Variants in DROSHA observed in about 807,000 individuals in gnomAD.
The protein encoded by DROSHA is drosha ribonuclease III.
A neutral mutation model predicts 181.9 loss-of-function variants in DROSHA; 56 were observed. The observed-to-expected ratio is 0.31, with a 90% CI of 0.25 to 0.38. The LOEUF (loss-of-function observed/expected upper bound fraction) is 0.38, where lower values mean the gene tolerates loss of function less well. Among genes scored for constraint, DROSHA ranks in the 10% least tolerant of loss-of-function variants. The pLI, the probability that DROSHA is intolerant of heterozygous loss-of-function variation, is 1.00. For missense variants in DROSHA, 1,218 were observed against 1,743.5 expected, an observed-to-expected ratio of 0.70 and a Z score of 5.37; for synonymous variants, 524 against 591.2, an observed-to-expected ratio of 0.89 and a Z score of 1.65.
intron 14 of DROSHA, among the ~76,000 whole-genome samples, chr5:31,485,400 G>A (rs1375676475): frequency 8.2e-6 from 1 of 122,012 alleles, no homozygotes; most frequent in East Asian, 2.6e-4. Flanking sequence ...TACCCAAAAA[G>A]TTCAAAAAGT....
At chr5:31,484,429 AAGTAAGCT>A (rs1751488207) in intron 15 of DROSHA, among the ~76,000 whole-genome samples, 1 of 151,746 alleles carries the variant, frequency 6.6e-6, no homozygotes, top group Admixed American at 6.6e-5. Context: ...ACTTCCAAAA[AAGTAAGCT>A]ACTATCCAAG....
Position 31,483,646 on chromosome 5 carries a change from G to GAAAAAAAAAAAAAAAAAAAACAAAAAA in DROSHA, c.1997-19_1997-18insTTTTTTGTTTTTTTTTTTTTTTTTTTT. On this transcript the variant is annotated intron_variant, in intron 15 of 35. Coordinates refer to ENST00000344624, the MANE Select transcript of DROSHA (RefSeq NM_001382508.1). ...CAAAGGACCTGAAGCAAACAAATGA[G>GAAAAAAAAAAAAAAAAAAAACAAAAAA]AAAAAAAAAAAAAAAAGAAAACTCA... 1 of 1,236,474 alleles carries GAAAAAAAAAAAAAAAAAAAACAAAAAA rather than the reference G, an allele frequency of 8.1e-7. No individual in the cohort carries two copies. The highest frequency in any genetic ancestry group is 2.6e-5 in the East Asian group (1 of 38,568). 76.6% of individuals were successfully genotyped at this position (1,236,474 alleles called of 1,614,324 possible).
At chr5:31,471,952 G>A (rs1156997593) in intron 17 of DROSHA, 111 bp downstream of exon 17, 13 of 1,002,498 alleles carry the variant, frequency 1.3e-5, no homozygotes, top group Non-Finnish European at 1.8e-5. Context: ...CCAAGGACAA[G>A]AGCAGTGACT....
intron 23 of DROSHA, among the ~76,000 whole-genome samples, chr5:31,441,423 G>GT (rs1745584583): frequency 6.6e-6 from 1 of 152,014 alleles, no homozygotes; most frequent in South Asian, 2.1e-4. Context: ...AAAAAAAGTA[G>GT]TAGGTCCTAA....
chr5:31,464,191 G>C (rs1477289650), intron 20 of DROSHA, 45 bp downstream of exon 20: 2 of 1,562,252 alleles, frequency 1.3e-6, no homozygotes, highest in African/African-American at 2.7e-5. Context: ...TTGTTTTAAA[G>C]GAAGAAAAGT....
At chr5:31,422,467 C>T (rs1039852945) in intron 29 of DROSHA, among the ~76,000 whole-genome samples, 4 of 152,132 alleles carry the variant, frequency 2.6e-5, no homozygotes, top group Admixed American at 6.5e-5. Context: ...ATGGCAGAGT[C>T]GAATCACTGC....
Position 31,424,559 on chromosome 5 carries a change from G to A in DROSHA, c.3217-88C>T, listed in dbSNP as rs552491336. 7.1e-5 allele frequency: 103 copies of A among 1,445,484 alleles called. 1 individual carries two copies. The highest frequency in any genetic ancestry group is 5.1e-4 in the South Asian group (39 of 76,310). The allele number at this position is 1,445,484 out of a possible 1,614,324, so 89.5% of individuals were successfully genotyped here. A position where few individuals can be genotyped will look rare whatever the true frequency, so the allele number is the denominator to read the frequency against. On this transcript the variant is annotated intron_variant, in intron 27 of 35. Transcript: ENST00000344624. The stretch of plus-strand genomic sequence containing the variant: ...AATAAAATGTCATTATTTGAAATAC[G>A]GAACTATTTCAGACACTGACTCCAC...
At chr5:31,405,788 T>C in intron 34 of DROSHA, 65 bp from the exon 35 acceptor site, 1 of 1,206,272 alleles carries the variant, frequency 8.3e-7, no homozygotes, top group Non-Finnish European at 1.1e-6. Flanking sequence ...TTTTTTTTTT[T>C]TTTCAAAAAA....
rs774325326 is a variant in DROSHA at position 31,484,927 on chromosome 5, C to G, written c.1950G>C (p.Leu650=). 5.2e-6 allele frequency: 8 copies of G among 1,547,068 alleles called. No homozygotes were observed. In the South Asian group the frequency reaches 8.5e-5, roughly 16 times the overall value. ...ATTCCAAAATATCTCTGAATAGGAA[C>G]AGTGAAAAGAGTTCAAGCCCTTTCA... ...FCVKGLELFS[L]FLFRDILELY... Residue 650 remains leucine (L), a synonymous_variant, in exon 15 of 36, where the codon CTG becomes CTC. Transcript: ENST00000344624.
chr5:31,504,681 CACA>C, intron 10 of DROSHA, 46 bp from the exon 11 acceptor site: 1 of 1,602,332 alleles, frequency 6.2e-7, no homozygotes, highest in Non-Finnish European at 8.5e-7. Context: ...GGGAAAAATC[CACA>C]CCATGCACGG....
chr5:31,498,874 G>GAAAAGGCAAACA (rs1753292776), intron 11 of DROSHA, among the ~76,000 whole-genome samples: 2 of 151,836 alleles, frequency 1.3e-5, no homozygotes, highest in South Asian at 4.1e-4. Context: ...AAAAAGACGA[G>GAAAAGGCAAACA]AAAAGGCAAA....
intron 12 of DROSHA, among the ~76,000 whole-genome samples, chr5:31,493,937 T>TTGTGTGTG (rs67311624): frequency 0.013 from 1,895 of 144,652 alleles, 28 homozygotes; most frequent in African/African-American, 0.027. Flanking sequence ...TAACCCACCA[T>TTGTGTGTG]TGTGTGTGTG....
At chr5:31,506,708 G>C (rs1159948220) in intron 10 of DROSHA, among the ~76,000 whole-genome samples, 3 of 144,946 alleles carry the variant, frequency 2.1e-5, no homozygotes, top group African/African-American at 7.5e-5. Flanking sequence ...AAAAAAAAAA[G>C]ACAAAAAAAA....
At chr5:31,472,314 A>G in intron 16 of DROSHA, 82 bp from the exon 17 acceptor site, 2 of 1,440,376 alleles carry the variant, frequency 1.4e-6, no homozygotes, top group Non-Finnish European at 1.8e-6. Flanking sequence ...ATAAGGAAAA[A>G]AACAAGACAA....
At chr5:31,518,862 G>C (rs1739559571) in intron 6 of DROSHA, among the ~76,000 whole-genome samples, 1 of 152,214 alleles carries the variant, frequency 6.6e-6, no homozygotes, top group African/African-American at 2.4e-5. Context: ...ACAGGCAAAA[G>C]ACATCCTCAC....
intron 31 of DROSHA, among the ~76,000 whole-genome samples, chr5:31,410,307 A>G (rs1741156109): frequency 6.6e-6 from 1 of 152,248 alleles, no homozygotes; most frequent in African/African-American, 2.4e-5. Context: ...ACTGCAAAAG[A>G]CGACATTTGT....
At chr5:31,472,664 A>C (rs1025914388) in intron 16 of DROSHA, among the ~76,000 whole-genome samples, 2 of 152,220 alleles carry the variant, frequency 1.3e-5, no homozygotes, top group African/African-American at 4.8e-5. Flanking sequence ...AGGAAATTCT[A>C]AGCTTTTGTG....
At chr5:31,450,719 A>G (rs938701142) in intron 21 of DROSHA, among the ~76,000 whole-genome samples, 2 of 152,092 alleles carry the variant, frequency 1.3e-5, no homozygotes, top group African/African-American at 2.4e-5. Context: ...AAAACTACCT[A>G]TTAGGTGTAA....
chr5:31,427,551 TCACCGCAGATACTTAATCGCCA>T (rs1201880141), intron 27 of DROSHA, among the ~76,000 whole-genome samples: 1 of 152,174 alleles, frequency 6.6e-6, no homozygotes, highest in African/African-American at 2.4e-5. Flanking sequence ...TGACTAAGGA[TCACCGCAGATACTTAATCGCCA>T]AGCTGCCCTT....
Sources: allele counts gnomAD v4.1 joint callset (sites outside exome capture counted in the v4.1 genomes callset), GRCh38; gene constraint gnomAD v4.1.1; transcripts MANE v1.5; gene names NCBI Gene and HGNC (gene_info 2026-07-23, HGNC 2026-07-21).